ADCY9: variants seen among roughly 807,000 people sequenced by gnomAD.
ADCY9 encodes the protein adenylate cyclase 9, also known as adenylate cyclase type 9.
ADCY9 carries 50 observed loss-of-function variants against 101.5 expected under a neutral mutation model. The observed-to-expected ratio is 0.49, with a 90% CI of 0.39 to 0.62. ADCY9 has a LOEUF of 0.62. ADCY9 is among the 20% of genes least tolerant of loss of function. The pLI, the probability that ADCY9 is intolerant of heterozygous loss-of-function variation, is 0.00. For missense variants in ADCY9, 1,662 were observed against 1,800.4 expected, an observed-to-expected ratio of 0.92 and a Z score of 1.39; for synonymous variants, 905 against 769.3, an observed-to-expected ratio of 1.18 and a Z score of -2.92.
intron 2 of ADCY9, among the ~76,000 whole-genome samples, chr16:4,091,458 A>T (rs1235635786): frequency 6.6e-6 from 1 of 152,210 alleles, no homozygotes. Context: ...ATGCCCAGGT[A>T]TGTGCCCCAA....
intron 6 of ADCY9, among the ~76,000 whole-genome samples, chr16:3,986,450 GTTTT>G (rs375371460): frequency 6.6e-6 from 1 of 151,870 alleles, no homozygotes; most frequent in Non-Finnish European, 1.5e-5. Context: ...ATACATGTTT[GTTTT>G]TTTTCTTTTT....
At chr16:4,106,825 T>C (rs945375396) in intron 2 of ADCY9, among the ~76,000 whole-genome samples, 1 of 152,206 alleles carries the variant, frequency 6.6e-6, no homozygotes, top group Non-Finnish European at 1.5e-5. Flanking sequence ...TAGGCAACGC[T>C]GACCAATATG....
intron 5 of ADCY9, among the ~76,000 whole-genome samples, chr16:3,991,210 T>C (rs548060236): frequency 1.5e-3 from 222 of 152,324 alleles, no homozygotes; most frequent in South Asian, 0.012. Flanking sequence ...TCTTCAAGTA[T>C]TTTCTCACAG....
intron 2 of ADCY9, among the ~76,000 whole-genome samples, chr16:4,029,075 G>A (rs986776146): frequency 1.1e-4 from 17 of 152,072 alleles, no homozygotes; most frequent in African/African-American, 2.4e-4. Flanking sequence ...GAGCCACTGC[G>A]CCCGGCCTAG....
At chr16:4,034,132 G>C (rs945869430) in intron 2 of ADCY9, among the ~76,000 whole-genome samples, 2 of 152,114 alleles carry the variant, frequency 1.3e-5, no homozygotes, top group Non-Finnish European at 2.9e-5. Flanking sequence ...GAGCCACAGT[G>C]CATGTGGCTG....
intron 2 of ADCY9, among the ~76,000 whole-genome samples, chr16:4,104,392 A>G (rs952522117): frequency 6.6e-6 from 1 of 152,236 alleles, no homozygotes; most frequent in East Asian, 1.9e-4. Context: ...ATAGTGTACA[A>G]AAAAAGATAA....
chr16:3,954,562 C>T (rs992568408), intron 5 of ADCY9, among the ~76,000 whole-genome samples: 3 of 152,178 alleles, frequency 2.0e-5, no homozygotes, highest in African/African-American at 7.2e-5. Context: ...GTGTCTCCCT[C>T]TGGGCCAGTG....
intron 6 of ADCY9, among the ~76,000 whole-genome samples, chr16:3,984,694 G>A (rs573861918): frequency 2.0e-5 from 3 of 152,328 alleles, no homozygotes; most frequent in Non-Finnish European, 4.4e-5. Context: ...GGTTGGGAGA[G>A]GAAGGGATGT....
chr16:4,037,112 T>C (rs994544905), intron 2 of ADCY9, among the ~76,000 whole-genome samples: 1 of 150,938 alleles, frequency 6.6e-6, no homozygotes, highest in Non-Finnish European at 1.5e-5. Context: ...GCCCCAGGAG[T>C]TCAAGACCAG....
At chr16:3,999,308 G>A (rs1006047353) in intron 3 of ADCY9, among the ~76,000 whole-genome samples, 1 of 152,156 alleles carries the variant, frequency 6.6e-6, no homozygotes, top group African/African-American at 2.4e-5. Flanking sequence ...GATCCTACCC[G>A]TGAACAAGTC....
intron 2 of ADCY9, among the ~76,000 whole-genome samples, chr16:4,011,578 G>T (rs879944964): frequency 6.6e-6 from 1 of 152,226 alleles, no homozygotes; most frequent in Admixed American, 6.5e-5. Flanking sequence ...AAGCGTGATG[G>T]GCGAGGGCCT....
chr16:4,075,561 G>C (rs553346248), intron 2 of ADCY9, among the ~76,000 whole-genome samples: 1 of 152,192 alleles, frequency 6.6e-6, no homozygotes, highest in Non-Finnish European at 1.5e-5. Context: ...AAATGTACCC[G>C]GTCCCATGTG....
At position 4,007,348 on chromosome 16, in the gene ADCY9, A is replaced by C. The variant is rs1817928703; in HGVS notation, c.1884+20T>G. 2 of 1,514,852 alleles carry C rather than the reference A, an allele frequency of 1.3e-6. No homozygotes were observed. Among genetic ancestry groups the C allele is most frequent in the South Asian group, 1.3e-5 (1 of 76,730 alleles). The allele number at this position is 1,514,852 out of a possible 1,614,324, so 93.8% of individuals were successfully genotyped here. A position where few individuals can be genotyped will look rare whatever the true frequency, so the allele number is the denominator to read the frequency against. ...AATAGAAAGTTTTAGAAGTAGGAAA[A>C]AAAAAACAAAAAAACTAACCTTAAG... On this transcript the variant is annotated intron_variant, in intron 3 of 10. Coordinates refer to ENST00000294016, the MANE Select transcript of ADCY9 (RefSeq NM_001116.4).
intron 5 of ADCY9, among the ~76,000 whole-genome samples, chr16:3,990,069 A>G (rs1333969901): frequency 6.6e-6 from 1 of 152,196 alleles, no homozygotes. Context: ...TATCCTTTCT[A>G]TACTGCAGAA....
rs372820312 is a variant in ADCY9 at position 3,966,345 on chromosome 16, G to A, written c.3492C>T (p.Arg1164=). The A allele has an allele frequency of 4.0e-5, 64 of 1,614,100 alleles. No individual in the cohort carries two copies. The highest frequency in any genetic ancestry group is 9.3e-5 in the African/African-American group (7 of 75,042). Residue 1164 remains arginine, a synonymous_variant, in exon 11 of 11, where the codon CGC becomes CGT. Coordinates refer to ENST00000294016, the MANE Select transcript of ADCY9 (RefSeq NM_001116.4). The part of the protein sequence containing the change: ...NNMLWFNFKL[R]VGFNHGPLTA... ...TGAGGGGCCCATGGTTGAAGCCGAC[G>A]CGGAGCTTGAAGTTGAACCACAGCA...
chr16:4,031,824 C>T (rs1472608553), intron 2 of ADCY9, among the ~76,000 whole-genome samples: 2 of 151,850 alleles, frequency 1.3e-5, no homozygotes, highest in African/African-American at 4.8e-5. Context: ...CAGAGGTGAG[C>T]CATCATCGTG....
intron 2 of ADCY9, among the ~76,000 whole-genome samples, chr16:4,052,979 C>G (rs1466424466): frequency 6.6e-6 from 1 of 152,190 alleles, no homozygotes; most frequent in African/African-American, 2.4e-5. Flanking sequence ...TCACAAGAGT[C>G]ACATGCTGTT....
chr16:4,024,125 T>G (rs995132864), intron 2 of ADCY9, among the ~76,000 whole-genome samples: 5 of 151,304 alleles, frequency 3.3e-5, no homozygotes, highest in African/African-American at 1.2e-4. Context: ...TGGGTTCGAG[T>G]GATTCTCCTG....
Position 3,992,382 on chromosome 16 carries a change from G to T in ADCY9, c.1990-19C>A. 3 of 1,611,228 alleles carry T rather than the reference G, an allele frequency of 1.9e-6. No homozygotes were observed. Among genetic ancestry groups the T allele is most frequent in the South Asian group, 1.1e-5 (1 of 90,898 alleles). On this transcript the variant is annotated intron_variant, in intron 4 of 10. Coordinates refer to ENST00000294016, the MANE Select transcript of ADCY9 (RefSeq NM_001116.4). This position sits in a 1 kb window ranked among gnomAD's most constrained non-coding sequence, Gnocchi z 4.2. ...CAGAAGCCTGCCTCGAGACAAAGAG[G>T]ACGCAGACACGGGAAGTGAAGTGGC...
Sources: gnomAD v4.1 joint callset for allele counts (sites outside exome capture counted in the v4.1 genomes callset) on GRCh38, gnomAD v4.1.1 for gene constraint, Gnocchi (gnomAD v3.1) non-coding constraint, MANE v1.5 for transcripts, NCBI Gene and HGNC (gene_info 2026-07-23, HGNC 2026-07-21) for gene names.